The following KLC1 variants were observed in gnomAD, a reference collection of about 807,000 sequenced individuals.
KLC1 encodes the protein kinesin light chain 1.
In KLC1, 30 loss-of-function variants were observed where a neutral mutation model predicts 84.2. The ratio of observed to expected loss-of-function variants is 0.36; its 90% CI spans 0.27 to 0.48. The LOEUF is 0.48. Among genes scored for constraint, KLC1 ranks in the 20% least tolerant of loss-of-function variants. KLC1 has a pLI of 0.99. For synonymous variants in KLC1, 289 were observed against 293.3 expected (o/e 0.99, Z 0.15); for missense variants, 499 against 805.4 (o/e 0.62, Z 4.60).
At chr14:103,696,320 G>A in intron 15 of KLC1, 1 of 985,318 alleles carries the variant, frequency 1.0e-6, no homozygotes, top group Non-Finnish European at 1.2e-6. Context: ...CCCGCGGGTG[G>A]CACGGGGCAC....
At chr14:103,689,861 G>A (rs532781203) in intron 14 of KLC1, among the ~76,000 whole-genome samples, 78 of 152,306 alleles carry the variant, frequency 5.1e-4, no homozygotes, top group African/African-American at 1.8e-3. Context: ...GGGGGTTTGA[G>A]GGAAGGTTGT....
chr14:103,634,050 G>A (rs1229015119), intron 1 of KLC1, among the ~76,000 whole-genome samples: 1 of 151,936 alleles, frequency 6.6e-6, no homozygotes, highest in Non-Finnish European at 1.5e-5. Flanking sequence ...TGTATTTTTA[G>A]TAGAGACAGG....
intron 15 of KLC1, chr14:103,698,971 T>C (rs1490628392): frequency 6.3e-7 from 1 of 1,599,498 alleles, no homozygotes; most frequent in Non-Finnish European, 8.5e-7. Context: ...AGGAGCTGGT[T>C]AGCCCAGGTT....
intron 15 of KLC1, chr14:103,696,282 G>A (rs2082507769): frequency 1.0e-6 from 1 of 985,430 alleles, no homozygotes; most frequent in Non-Finnish European, 1.2e-6. Context: ...GCAGTGTGTG[G>A]CTCAGGGGTC....
chr14:103,677,374 C>A, intron 11 of KLC1, 41 bp from the exon 12 acceptor site: 1 of 1,197,618 alleles, frequency 8.3e-7, no homozygotes, highest in Non-Finnish European at 1.2e-6. Context: ...TTGTTCAGAG[C>A]TTATATGTCA....
Position 103,694,255 on chromosome 14 carries a change from T to A in KLC1, c.1848+1830T>A, listed in dbSNP as rs2082289506. 1 of 953,510 alleles carries A rather than the reference T, an allele frequency of 1.0e-6. No individual in the cohort carries two copies. 59.1% of individuals were successfully genotyped at this position (953,510 alleles called of 1,614,324 possible). On this transcript the variant is annotated intron_variant, in intron 15 of 16. Transcript: ENST00000334553. The surrounding 1 kb of genome is among the most constrained non-coding windows in gnomAD (Gnocchi z 4.5). ...CCATAGAGACGTGTGTTTCACTTTTTTTTTTTTTTTTTTTGAGACGGAGTC... is the reference window on the plus strand; with the variant it reads ...CCATAGAGACGTGTGTTTCACTTTTATTTTTTTTTTTTTTGAGACGGAGTC...
At chr14:103,687,291 C>A in intron 14 of KLC1, 80 bp downstream of exon 14, 1 of 1,363,706 alleles carries the variant, frequency 7.3e-7, no homozygotes, top group South Asian at 1.3e-5. Context: ...GCCTTCCTCA[C>A]CCACAGACTT....
chr14:103,680,318 T>C (rs1268174838), intron 13 of KLC1, among the ~76,000 whole-genome samples: 1 of 152,098 alleles, frequency 6.6e-6, no homozygotes, highest in East Asian at 1.9e-4. Flanking sequence ...TCTTTGGTAT[T>C]TTACTTTTGT....
chr14:103,692,349 C>T lies in KLC1; in HGVS notation c.1782-10C>T, dbSNP rs117954807. On this transcript the variant is annotated splice_polypyrimidine_tract_variant and intron_variant, in intron 14 of 16. Coordinates refer to ENST00000334553, the MANE Select transcript of KLC1 (RefSeq NM_001394837.1). Reference sequence around the variant, plus strand: ...TCGTTTGTCCTTGCATGTCCGTGTCCGGGTTGCAGCATGAAGCGTGCCAGC... The same window carrying T: ...TCGTTTGTCCTTGCATGTCCGTGTCTGGGTTGCAGCATGAAGCGTGCCAGC... The T allele has an allele frequency of 8.5e-3, 12,984 of 1,536,346 alleles. 155 individuals carry two copies. Among genetic ancestry groups the T allele is most frequent in the East Asian group, 0.038 (1,542 of 40,910 alleles).
chr14:103,695,835 T>C (rs2082427446), intron 15 of KLC1: 1 of 985,206 alleles, frequency 1.0e-6, no homozygotes, highest in Non-Finnish European at 1.2e-6. Context: ...AGCCAGCTCA[T>C]AAAGGAAGGT....
chr14:103,650,681 C>T (rs533981718), intron 1 of KLC1, among the ~76,000 whole-genome samples: 25 of 149,936 alleles, frequency 1.7e-4, no homozygotes, highest in Middle Eastern at 3.4e-3. Context: ...CGGGTTCAAG[C>T]GATTCTTCTA....
At position 103,693,563 on chromosome 14, in the gene KLC1, A is replaced by G; in HGVS notation, c.1848+1138A>G. 6.5e-7 allele frequency: 1 copy of G among 1,536,092 alleles called. No homozygotes were observed. Among genetic ancestry groups the G allele is most frequent in the Non-Finnish European group, 8.7e-7 (1 of 1,146,892 alleles). On this transcript the variant is annotated intron_variant, in intron 15 of 16. Coordinates refer to ENST00000334553, the MANE Select transcript of KLC1 (RefSeq NM_001394837.1). This position sits in a 1 kb window ranked among gnomAD's most constrained non-coding sequence, Gnocchi z 5.1. ...TGTTTTTTCATGCAGGAACGAAATA[A>G]TTGTCTGGCCGACTCGCGAGCTCTG... is the stretch of plus-strand genomic sequence containing the variant.
At chr14:103,667,383 AGG>A (rs2079956765) in intron 5 of KLC1, among the ~76,000 whole-genome samples, 1 of 152,012 alleles carries the variant, frequency 6.6e-6, no homozygotes, top group East Asian at 1.9e-4. Context: ...CTGGGATTAC[AGG>A]CGTGAGCCAC....
rs188768970 is a variant in KLC1 at position 103,699,421 on chromosome 14, C to T, written c.1849-1234C>T. 27 of 1,612,732 alleles carry T rather than the reference C, an allele frequency of 1.7e-5. No individual in the cohort carries two copies. In the East Asian group the frequency reaches 2.2e-4, roughly 13 times the overall value. Reference sequence around the variant, plus strand: ...CACTGCTCAGCTCACGCAGCGTGGCCCCCAGGGACTGCAGATGCCTGGCCC... The same window carrying T: ...CACTGCTCAGCTCACGCAGCGTGGCTCCCAGGGACTGCAGATGCCTGGCCC... On this transcript the variant is annotated intron_variant, in intron 15 of 16. Transcript: ENST00000334553.
rs980231334 is a variant in KLC1, at chr14:103,680,961, C to T, written c.1650+1416C>T. ...TCTGTTACCATCTTAAAGATGGACT[C>T]GGAGAGGAAGGAGAACTCGTGTCCC... On this transcript the variant is annotated intron_variant, in intron 13 of 16. Coordinates refer to ENST00000334553, the MANE Select transcript of KLC1 (RefSeq NM_001394837.1). Among the ~76,000 whole-genome samples, 9 of 152,248 alleles carry T rather than the reference C, an allele frequency of 5.9e-5. 1 individual carries two copies. In the South Asian group the frequency reaches 1.7e-3, roughly 28 times the overall value.
At chr14:103,697,116 TCA>T in intron 15 of KLC1, 1 of 985,172 alleles carries the variant, frequency 1.0e-6, no homozygotes, top group Non-Finnish European at 1.2e-6. Context: ...TTGCTTATGT[TCA>T]ATTACAGAAA....
chr14:103,694,550 C>T lies in KLC1; in HGVS notation c.1848+2125C>T, dbSNP rs532250292. On this transcript the variant is annotated intron_variant, in intron 15 of 16. Transcript: ENST00000334553. The surrounding 1 kb of genome is among the most constrained non-coding windows in gnomAD (Gnocchi z 4.5). ...CAATGCTGAGGCTGTATTTCTTAGC[C>T]GTCCACAAACTAGTCCATAGGTAAA... is the stretch of plus-strand genomic sequence containing the variant. 13 of 985,448 alleles carry T rather than the reference C, an allele frequency of 1.3e-5. No individual in the cohort carries two copies. Among genetic ancestry groups the T allele is most frequent in the East Asian group, 2.3e-4 (2 of 8,822 alleles). 61.0% of individuals were successfully genotyped at this position (985,448 alleles called of 1,614,324 possible). A position where few individuals can be genotyped will look rare whatever the true frequency, so the allele number is the denominator to read the frequency against.
In KLC1 at chr14:103,643,617, A is replaced by G. The variant is rs559807134; in HGVS notation, c.-1-10947A>G. ...CATTTTAGAGAGGCATGAGACATCAATCAGATACATTTAAGAAATACATTG... is the reference window on the plus strand; with the variant it reads ...CATTTTAGAGAGGCATGAGACATCAGTCAGATACATTTAAGAAATACATTG... On this transcript the variant is annotated intron_variant, in intron 1 of 16. Transcript: ENST00000334553. Among the ~76,000 whole-genome samples, 21 of 152,324 alleles carry G rather than the reference A, an allele frequency of 1.4e-4. No homozygotes were observed. The South Asian group carries it at 3.5e-3, about 26-fold the overall frequency.
intron 5 of KLC1, among the ~76,000 whole-genome samples, chr14:103,667,914 T>G (rs1267197996): frequency 6.6e-6 from 1 of 152,206 alleles, no homozygotes; most frequent in Non-Finnish European, 1.5e-5. Flanking sequence ...GTAGCACGCT[T>G]AAACTGAGAG....
Sources: allele counts gnomAD v4.1 joint callset (sites outside exome capture counted in the v4.1 genomes callset), GRCh38; gene constraint gnomAD v4.1.1; non-coding constraint Gnocchi (gnomAD v3.1); transcripts MANE v1.5; gene names NCBI Gene and HGNC (gene_info 2026-07-23, HGNC 2026-07-21).